The following PAH variants were observed in gnomAD, a reference collection of about 807,000 sequenced individuals.
PAH encodes the protein phenylalanine hydroxylase.
Under a neutral mutation model 62.0 loss-of-function variants are expected in PAH, and 64 were observed. The ratio of observed to expected loss-of-function variants is 1.03; its 90% CI spans 0.84 to 1.27. PAH has a LOEUF of 1.27. Among genes scored for constraint, PAH ranks in the 50% most tolerant of loss-of-function variants. The probability of loss-of-function intolerance (pLI) is 0.00; values close to 1 mark genes in which losing one functional copy is unlikely to be tolerated. For synonymous variants in PAH, 195 were observed against 196.2 expected, an observed-to-expected ratio of 0.99 and a Z score of 0.05; for missense variants, 579 against 542.8, an observed-to-expected ratio of 1.07 and a Z score of -0.66.
At chr12:102,955,099 C>G (rs1405300413), upstream of PAH, among the ~76,000 whole-genome samples, 1 of 152,194 alleles carries the variant, frequency 6.6e-6, no homozygotes, top group Non-Finnish European at 1.5e-5. Flanking sequence ...TGTCCTTCCT[C>G]CTGGCCTGAG....
At chr12:102,936,736 T>C (rs1053307779) in intron 1 of PAH, among the ~76,000 whole-genome samples, 1 of 152,238 alleles carries the variant, frequency 6.6e-6, no homozygotes. Context: ...AAGTATGTTT[T>C]TCTATTTCTT....
intron 3 of PAH, among the ~76,000 whole-genome samples, chr12:102,879,514 C>G (rs1876728999): frequency 6.6e-6 from 1 of 151,464 alleles, no homozygotes; most frequent in East Asian, 1.9e-4. Flanking sequence ...CATTTAGACC[C>G]TTGTTTCTGC....
At chr12:102,922,477 T>A (rs946385195) in intron 1 of PAH, among the ~76,000 whole-genome samples, 1 of 152,220 alleles carries the variant, frequency 6.6e-6, no homozygotes, top group Admixed American at 6.5e-5. Flanking sequence ...CAGGCGTGAG[T>A]CACCACGCCC....
intron 3 of PAH, among the ~76,000 whole-genome samples, chr12:102,882,630 C>A (rs78917557): frequency 1.6e-5 from 2 of 123,962 alleles, no homozygotes; most frequent in Non-Finnish European, 3.4e-5. Flanking sequence ...TATATATATG[C>A]ATATATATAC....
intron 3 of PAH, among the ~76,000 whole-genome samples, chr12:102,888,270 C>G (rs968665225): frequency 6.6e-6 from 1 of 151,988 alleles, no homozygotes; most frequent in East Asian, 1.9e-4. Flanking sequence ...GCAACTTGGC[C>G]GAACAGCTAC....
At chr12:102,918,508 C>T (rs1878471024), upstream of PAH, among the ~76,000 whole-genome samples, 1 of 149,700 alleles carries the variant, frequency 6.7e-6, no homozygotes. Flanking sequence ...GGATTCAAAA[C>T]AAGTGGTTTA....
chr12:102,941,122 C>T (rs1158616972), intron 1 of PAH, among the ~76,000 whole-genome samples: 1 of 152,124 alleles, frequency 6.6e-6, no homozygotes, highest in African/African-American at 2.4e-5. Flanking sequence ...CAAGCAAATG[C>T]TAATGGAATT....
At chr12:102,871,782 C>T (rs926555302) in intron 4 of PAH, among the ~76,000 whole-genome samples, 8 of 151,742 alleles carry the variant, frequency 5.3e-5, no homozygotes, top group South Asian at 2.1e-4. Flanking sequence ...ATTAGTCAGG[C>T]GTGGTGGCGC....
chr12:102,917,251 G>C (rs147266631), upstream of PAH: 144 of 846,250 alleles, frequency 1.7e-4, 2 homozygotes, highest in African/African-American at 2.2e-3. Context: ...GAGTTACAAA[G>C]GGTGTCTCTT....
At chr12:102,911,700 T>TC (rs990912454) in intron 2 of PAH, among the ~76,000 whole-genome samples, 1 of 152,180 alleles carries the variant, frequency 6.6e-6, no homozygotes, top group African/African-American at 2.4e-5. Context: ...TTTCTATGTG[T>TC]CCCCCATCTT....
intron 1 of PAH, chr12:102,946,938 A>AT (rs527721040): frequency 1.1e-3 from 170 of 152,194 alleles, no homozygotes; most frequent in African/African-American, 3.5e-3. Context: ...ATAAAGTTCC[A>AT]TTTTTTTATG....
intron 4 of PAH, among the ~76,000 whole-genome samples, chr12:102,875,558 T>C (rs1383957224): frequency 6.6e-6 from 1 of 152,180 alleles, no homozygotes; most frequent in Non-Finnish European, 1.5e-5. Context: ...AGAGATCTGT[T>C]GAACGGGTAC....
chr12:102,851,625 A>G, intron 8 of PAH, 62 bp downstream of exon 8: 1 of 1,406,120 alleles, frequency 7.1e-7, no homozygotes, highest in Non-Finnish European at 1.0e-6. Flanking sequence ...CCTGGGCTCA[A>G]CTCATTTGAG....
chr12:102,889,338 G>C (rs1877173484), intron 3 of PAH, among the ~76,000 whole-genome samples: 2 of 152,118 alleles, frequency 1.3e-5, no homozygotes, highest in South Asian at 4.1e-4. Context: ...CAACAAGAGG[G>C]AAGGAATGAC....
chr12:102,933,356 T>G (rs1878986668), intron 1 of PAH, among the ~76,000 whole-genome samples: 1 of 152,206 alleles, frequency 6.6e-6, no homozygotes, highest in South Asian at 2.1e-4. Flanking sequence ...AAGTACCACA[T>G]TTTGCATATC....
In PAH at chr12:102,877,572, G is replaced by T. The variant is rs2037639; in HGVS notation, c.353-22C>A. On this transcript the variant is annotated intron_variant, in intron 3 of 12. Transcript: ENST00000553106. The stretch of plus-strand genomic sequence containing the variant: ...GGCACTGAAACACAGAGAAGGCAAC[G>T]TCCTGAGTACAGATTGGCAGAACAT... 4 of 1,579,214 alleles carry T rather than the reference G, an allele frequency of 2.5e-6. No individual in the cohort carries two copies. In the Admixed American group the frequency reaches 5.0e-5, roughly 20 times the overall value.
At chr12:102,847,039 G>A (rs560655636) in intron 8 of PAH, 88 bp from the exon 9 acceptor site, 3 of 1,020,256 alleles carry the variant, frequency 2.9e-6, no homozygotes, top group South Asian at 2.5e-5. Flanking sequence ...AAGGTGATGG[G>A]TGGCCAGATG....
intron 2 of PAH, among the ~76,000 whole-genome samples, chr12:102,903,487 G>T (rs145544945): frequency 3.2e-4 from 48 of 152,206 alleles, no homozygotes; most frequent in Non-Finnish European, 6.0e-4. Flanking sequence ...TATCTGATGA[G>T]GTCATTGATC....
chr12:102,923,550 A>G (rs1381850911), intron 1 of PAH: 4 of 152,230 alleles, frequency 2.6e-5, no homozygotes, highest in Admixed American at 6.5e-5. Flanking sequence ...CATGTGGCCT[A>G]TAGACCATCC....
Sources: allele counts gnomAD v4.1 joint callset (sites outside exome capture counted in the v4.1 genomes callset), GRCh38; gene constraint gnomAD v4.1.1; transcripts MANE v1.5; gene names NCBI Gene and HGNC (gene_info 2026-07-23, HGNC 2026-07-21).